The following LPCAT1 variants were observed in gnomAD, a reference collection of about 807,000 sequenced individuals.
LPCAT1 encodes the protein 1-acylglycerol-3-phosphate O-acyltransferase.
In LPCAT1, 23 loss-of-function variants were observed where a neutral mutation model predicts 60.9. That is an observed-to-expected ratio of 0.38 (90% CI 0.27 to 0.53). The LOEUF is 0.53. Ranked by LOEUF, LPCAT1 falls within the 20% of genes least tolerant of loss-of-function variation. The pLI, the probability that LPCAT1 is intolerant of heterozygous loss-of-function variation, is 0.82. For missense variants in LPCAT1, 622 were observed against 723.6 expected (o/e 0.86, Z 1.61); for synonymous variants, 340 against 301.1 (o/e 1.13, Z -1.34).
chr5:1,471,837 C>G (rs1018009113), intron 11 of LPCAT1, among the ~76,000 whole-genome samples: 2 of 145,300 alleles, frequency 1.4e-5, no homozygotes, highest in Admixed American at 6.8e-5. Context: ...GGCCAGAGAG[C>G]AGGAGGTGAG....
At position 1,521,033 on chromosome 5, in the gene LPCAT1, A is replaced by G. The variant is rs532793549; in HGVS notation, c.135+2677T>C. ...CAAAACGATATATGAATGTGTGACT[A>G]TGAAGAACCTCAGCTGAACTCACTA... On this transcript the variant is annotated intron_variant, in intron 1 of 13. Transcript: ENST00000283415. This position sits in a 1 kb window ranked among gnomAD's most constrained non-coding sequence, Gnocchi z 4.3. Among the ~76,000 whole-genome samples, 2 of 152,278 alleles carry G rather than the reference A, an allele frequency of 1.3e-5. No homozygotes were observed. Among genetic ancestry groups the G allele is most frequent in the South Asian group, 2.1e-4 (1 of 4,818 alleles).
intron 1 of LPCAT1, among the ~76,000 whole-genome samples, chr5:1,520,174 A>G (rs926716672): frequency 6.6e-6 from 1 of 152,260 alleles, no homozygotes; most frequent in Non-Finnish European, 1.5e-5. Flanking sequence ...GGAGCCTGGC[A>G]ACGTGTGCAG....
rs78324319 is a variant in LPCAT1 at position 1,481,459 on chromosome 5, C to A, written c.727-483G>T. ...CCACGGTGCATGTGCAGGGCCCCCC[C>A]ACCCCGGGTGCTCTGAAGTCCCATC... On this transcript the variant is annotated intron_variant, in intron 6 of 13. Coordinates refer to ENST00000283415, the MANE Select transcript of LPCAT1 (RefSeq NM_024830.5). The surrounding 1 kb of genome is among the most constrained non-coding windows in gnomAD (Gnocchi z 7.8). Among the ~76,000 whole-genome samples the A allele has an allele frequency of 9.2e-5, 14 of 152,252 alleles. No homozygotes were observed. The highest frequency in any genetic ancestry group is 1.5e-4 in the Non-Finnish European group (10 of 68,042).
At chr5:1,484,495 G>A (rs72717529) in intron 5 of LPCAT1, among the ~76,000 whole-genome samples, 16,689 of 152,322 alleles carry the variant, frequency 0.11, 1,254 homozygotes, top group Middle Eastern at 0.18. Flanking sequence ...GAGGCCAGGC[G>A]AGTGAATCCC....
rs1181195438 is a variant in LPCAT1 at position 1,480,429 on chromosome 5, CCT to C, written c.761+511_761+512del. 1.9e-5 allele frequency: 18 copies of C among 948,920 alleles called. No individual in the cohort carries two copies. The highest frequency in any genetic ancestry group is 2.3e-5 in the Non-Finnish European group (18 of 796,762). The allele number at this position is 948,920 out of a possible 1,614,324, so 58.8% of individuals were successfully genotyped here. ...GCTCAGACGTCAGCACCCAGGAGGC[CCT>C]GACCAGCCTGTGGCCCCGGGCTTCT... On this transcript the variant is annotated intron_variant, in intron 7 of 13. Coordinates refer to ENST00000283415, the MANE Select transcript of LPCAT1 (RefSeq NM_024830.5). The surrounding 1 kb of genome is among the most constrained non-coding windows in gnomAD (Gnocchi z 6.4).
At chr5:1,492,701 T>C (rs887906291) in intron 3 of LPCAT1, among the ~76,000 whole-genome samples, 3 of 152,206 alleles carry the variant, frequency 2.0e-5, no homozygotes, top group African/African-American at 7.2e-5. Context: ...TGGGTTGATC[T>C]GGAAGAGGTG....
In LPCAT1 at chr5:1,462,654, A is replaced by C. The variant is rs988518644; in HGVS notation, c.*997T>G. On this transcript the variant is annotated 3_prime_UTR_variant, in exon 14 of 14. Coordinates refer to ENST00000283415, the MANE Select transcript of LPCAT1 (RefSeq NM_024830.5). The stretch of plus-strand genomic sequence containing the variant: ...CATGGAAACCAGGGCTGACAGGAAG[A>C]TGCAGCCGCTTCCAGCAGGGACCTG... 2 of 152,240 alleles carry C rather than the reference A, an allele frequency of 1.3e-5. No individual in the cohort carries two copies. The highest frequency in any genetic ancestry group is 4.8e-5 in the African/African-American group (2 of 41,452). The allele number at this position is 152,240 out of a possible 1,614,324, so 9.4% of individuals were successfully genotyped here.
At chr5:1,491,675 G>C (rs1170193370) in intron 3 of LPCAT1, among the ~76,000 whole-genome samples, 1 of 152,194 alleles carries the variant, frequency 6.6e-6, no homozygotes, top group African/African-American at 2.4e-5. Flanking sequence ...GCCACACTGG[G>C]ACTGGCGCAT....
In LPCAT1 at chr5:1,470,357, C is replaced by T. The variant is rs533668847; in HGVS notation, c.1278+469G>A. On this transcript the variant is annotated intron_variant, in intron 12 of 13. Coordinates refer to ENST00000283415, the MANE Select transcript of LPCAT1 (RefSeq NM_024830.5). ...GGTGAGGCAAGTCCTGAGGGCTTCC[C>T]AGGAGTCTGCAGCTGGGCTGGGACC... 3.3e-4 allele frequency among the ~76,000 whole-genome samples: 50 copies of T among 152,338 alleles called. 1 individual carries two copies. The highest frequency in any genetic ancestry group is 1.1e-3 in the African/African-American group (45 of 41,596).
At chr5:1,501,940 C>T (rs1736031774) in intron 1 of LPCAT1, among the ~76,000 whole-genome samples, 1 of 152,022 alleles carries the variant, frequency 6.6e-6, no homozygotes, top group African/African-American at 2.4e-5. Context: ...CTGACCGACA[C>T]TGACCAAGGC....
chr5:1,482,275 CTG>C (rs1735176928), intron 6 of LPCAT1, among the ~76,000 whole-genome samples: 1 of 151,156 alleles, frequency 6.6e-6, no homozygotes, highest in Non-Finnish European at 1.5e-5. Flanking sequence ...GGCGGCAGGC[CTG>C]TGAGGCAAGG....
In LPCAT1 at chr5:1,495,971, G is replaced by A. The variant is rs1735774101; in HGVS notation, c.279-1057C>T. 1.3e-5 allele frequency among the ~76,000 whole-genome samples: 2 copies of A among 152,364 alleles called. No individual in the cohort carries two copies. Among genetic ancestry groups the A allele is most frequent in the Admixed American group, 1.3e-4 (2 of 15,304 alleles). On this transcript the variant is annotated intron_variant, in intron 2 of 13. Transcript: ENST00000283415. This position sits in a 1 kb window ranked among gnomAD's most constrained non-coding sequence, Gnocchi z 4.7. ...AAACAATGGTGTAGTTACACATGGAGATGCTGGGGACCAACCCAGGGTGCT... is the reference window on the plus strand; with the variant it reads ...AAACAATGGTGTAGTTACACATGGAAATGCTGGGGACCAACCCAGGGTGCT...
rs1032005944 is a variant in LPCAT1 at position 1,466,824 on chromosome 5, G to C, written c.1345C>G (p.Leu449Val). 6.2e-7 allele frequency: 1 copy of C among 1,613,420 alleles called. No homozygotes were observed. Among genetic ancestry groups the C allele is most frequent in the African/African-American group, 1.3e-5 (1 of 75,038 alleles). ...GTCACGGTGAGCTCTGCCACCCCCA[G>C]GGCCGTCTTGAGGATGCAGGACAGG... ...GDLSCILKTA[L>V]GVAELTVTDL... The change falls in exon 13 of 14, where the codon CTG becomes GTG. Residue 449 changes from leucine (L) to valine (V), a missense_variant. Leu to Val is a conservative substitution (Grantham distance 32). Transcript: ENST00000283415.
Position 1,481,046 on chromosome 5 carries a change from T to C in LPCAT1, c.727-70A>G, listed in dbSNP as rs1318583131. On this transcript the variant is annotated intron_variant, in intron 6 of 13. Transcript: ENST00000283415. This position sits in a 1 kb window ranked among gnomAD's most constrained non-coding sequence, Gnocchi z 7.8. The stretch of plus-strand genomic sequence containing the variant: ...AGGGCCTGCACCAAGCACCTGCGTG[T>C]GCCGGCCTCTCCCTGCACCTCCCAC... The C allele has an allele frequency of 6.4e-7, 1 of 1,572,464 alleles. No individual in the cohort carries two copies. The highest frequency in any genetic ancestry group is 8.7e-7 in the Non-Finnish European group (1 of 1,145,846).
intron 11 of LPCAT1, among the ~76,000 whole-genome samples, chr5:1,472,755 C>T (rs570633031): frequency 9.2e-5 from 14 of 152,040 alleles, no homozygotes; most frequent in South Asian, 2.1e-4. Context: ...GCATCCGAGA[C>T]GCTGTTTGCA....
Position 1,495,207 on chromosome 5 carries a change from CACAG to C in LPCAT1, c.279-297_279-294del, listed in dbSNP as rs1454074236. 3.9e-5 allele frequency among the ~76,000 whole-genome samples: 6 copies of C among 152,242 alleles called. No individual in the cohort carries two copies. Among genetic ancestry groups the C allele is most frequent in the African/African-American group, 1.4e-4 (6 of 41,466 alleles). On this transcript the variant is annotated intron_variant, in intron 2 of 13. Transcript: ENST00000283415. The surrounding 1 kb of genome is among the most constrained non-coding windows in gnomAD (Gnocchi z 4.7). ...GCTAAGACAACATGAGACTCCGGAA[CACAG>C]ACAGCACAAGTCCCAGGCCAGAAGA...
intron 5 of LPCAT1, among the ~76,000 whole-genome samples, chr5:1,485,535 C>T (rs1235670024): frequency 2.6e-5 from 4 of 152,164 alleles, no homozygotes; most frequent in African/African-American, 7.2e-5. Flanking sequence ...ATGGGTCTAA[C>T]GTCACTAGTT....
rs536478383 is a variant in LPCAT1 at position 1,487,524 on chromosome 5, G to A, written c.667+867C>T. On this transcript the variant is annotated intron_variant, in intron 5 of 13. Transcript: ENST00000283415. The surrounding 1 kb of genome is among the most constrained non-coding windows in gnomAD (Gnocchi z 6.1). ...GGATGGCCACAGGCTCGGAAACCCC[G>A]GCGGCACACGTAGGTGAGTGACTGC... Among the ~76,000 whole-genome samples the A allele has an allele frequency of 6.8e-4, 103 of 152,228 alleles. No homozygotes were observed. Among genetic ancestry groups the A allele is most frequent in the African/African-American group, 1.9e-3 (77 of 41,542 alleles).
At chr5:1,519,139 T>C (rs750747460) in intron 1 of LPCAT1, among the ~76,000 whole-genome samples, 6 of 152,244 alleles carry the variant, frequency 3.9e-5, no homozygotes, top group African/African-American at 1.4e-4. Context: ...AAAGACAGTG[T>C]CCGTTTAAGA....
Sources: gnomAD v4.1 joint callset for allele counts (sites outside exome capture counted in the v4.1 genomes callset) on GRCh38, gnomAD v4.1.1 for gene constraint, Gnocchi (gnomAD v3.1) non-coding constraint, MANE v1.5 for transcripts, NCBI Gene and HGNC (gene_info 2026-07-23, HGNC 2026-07-21) for gene names.